Variants in ERC2 observed in about 807,000 individuals in gnomAD.
The protein encoded by ERC2 is ERC protein 2.
ERC2 carries 42 observed loss-of-function variants against 114.8 expected under a neutral mutation model. That is an observed-to-expected ratio of 0.37 (90% CI 0.29 to 0.47). The LOEUF (loss-of-function observed/expected upper bound fraction) is 0.47, where lower values mean the gene tolerates loss of function less well. ERC2 is among the 20% of genes least tolerant of loss of function. The probability of loss-of-function intolerance (pLI) is 0.99; values close to 1 mark genes in which losing one functional copy is unlikely to be tolerated. For synonymous variants in ERC2, 454 were observed against 425.5 expected (o/e 1.07, Z -0.82); for missense variants, 939 against 1,150.7 (o/e 0.82, Z 2.66).
intron 6 of ERC2, among the ~76,000 whole-genome samples, chr3:56,134,270 G>C (rs560170896): frequency 6.6e-6 from 1 of 152,234 alleles, no homozygotes; most frequent in East Asian, 1.9e-4. Flanking sequence ...TCAAGATTCG[G>C]TGTGGAATTA....
At chr3:56,239,150 T>C (rs1162260392) in intron 3 of ERC2, among the ~76,000 whole-genome samples, 1 of 152,184 alleles carries the variant, frequency 6.6e-6, no homozygotes, top group African/African-American at 2.4e-5. Context: ...CTGAAGATCC[T>C]TTCTAAAATA....
chr3:56,163,278 T>C (rs748977598), intron 4 of ERC2, among the ~76,000 whole-genome samples: 5 of 152,126 alleles, frequency 3.3e-5, no homozygotes, highest in African/African-American at 1.2e-4. Flanking sequence ...ACTCACCTTA[T>C]GGCCGAGCAT....
chr3:55,720,736 G>C (rs2064495741), intron 15 of ERC2, among the ~76,000 whole-genome samples: 1 of 152,172 alleles, frequency 6.6e-6, no homozygotes, highest in Non-Finnish European at 1.5e-5. Context: ...CAGTGAACAA[G>C]TCATGTAGAT....
chr3:55,766,273 GAAAA>G (rs35962584), intron 14 of ERC2, among the ~76,000 whole-genome samples: 1 of 95,136 alleles, frequency 1.1e-5, no homozygotes. Context: ...CTCTCCACAA[GAAAA>G]AAAAAAAAAA....
At chr3:55,610,073 A>C (rs1226245336) in intron 17 of ERC2, among the ~76,000 whole-genome samples, 92 of 151,516 alleles carry the variant, frequency 6.1e-4, no homozygotes, top group African/African-American at 2.2e-3. Context: ...ACAAAAAAAA[A>C]AAAAAAAAAA....
chr3:56,322,471 C>T (rs972639140), intron 2 of ERC2, among the ~76,000 whole-genome samples: 7 of 152,176 alleles, frequency 4.6e-5, no homozygotes, highest in South Asian at 2.1e-4. Context: ...TCCAAGTCTA[C>T]GCCTCAAGAG....
At chr3:56,138,078 G>C (rs1304009524) in intron 6 of ERC2, among the ~76,000 whole-genome samples, 1 of 7,344 alleles carries the variant, frequency 1.4e-4, no homozygotes, top group Non-Finnish European at 3.1e-4. Context: ...TTTTTTTTTT[G>C]AGACGAAGTC....
chr3:55,949,385 A>T (rs1021891912), intron 13 of ERC2, among the ~76,000 whole-genome samples: 1 of 151,928 alleles, frequency 6.6e-6, no homozygotes, highest in Admixed American at 6.6e-5. Context: ...GAAAAAAAAA[A>T]GTTTTGGGCC....
In ERC2 at chr3:56,173,304, G is replaced by T; in HGVS notation, c.1149+142C>A. The T allele has an allele frequency of 9.4e-6, 7 of 746,478 alleles. No individual in the cohort carries two copies. In the South Asian group the frequency reaches 9.4e-5, roughly 10 times the overall value. 46.2% of individuals were successfully genotyped at this position (746,478 alleles called of 1,614,324 possible). The stretch of plus-strand genomic sequence containing the variant: ...CAATACATTAAATGTGCCCAGGAAG[G>T]TAAAAAAAATCCAGAAGTAAAGCAT... On this transcript the variant is annotated intron_variant, in intron 4 of 17. Transcript: ENST00000288221.
At chr3:56,246,108 A>C (rs981472327) in intron 3 of ERC2, among the ~76,000 whole-genome samples, 4 of 151,970 alleles carry the variant, frequency 2.6e-5, no homozygotes, top group African/African-American at 7.2e-5. Flanking sequence ...AAAAAAAAAA[A>C]AAAAAAACTC....
intron 17 of ERC2, among the ~76,000 whole-genome samples, chr3:55,561,597 G>T (rs1364481585): frequency 2.0e-5 from 3 of 152,110 alleles, no homozygotes; most frequent in African/African-American, 7.2e-5. Context: ...AATTTTGATG[G>T]GGAATGAATG....
intron 10 of ERC2, among the ~76,000 whole-genome samples, chr3:55,998,168 T>A (rs1341722544): frequency 1.3e-5 from 2 of 151,880 alleles, no homozygotes; most frequent in Non-Finnish European, 2.9e-5. Flanking sequence ...ACCAAAAAAA[T>A]TATTTTCATA....
intron 7 of ERC2, among the ~76,000 whole-genome samples, chr3:56,067,531 A>T (rs2076538238): frequency 1.3e-5 from 2 of 151,540 alleles, no homozygotes; most frequent in African/African-American, 4.8e-5. Flanking sequence ...CTATTTGAAT[A>T]ATTTCTCTCT....
Position 56,435,165 on chromosome 3 carries a change from G to T in ERC2, c.-140-18C>A. On this transcript the variant is annotated intron_variant, in intron 1 of 17. Transcript: ENST00000288221. ...TCAGAGATCTACAAAGTGAAAAAAA[G>T]AATAATTAAAAACAAATTTCTTTAG... 8.2e-6 allele frequency: 5 copies of T among 611,516 alleles called. No homozygotes were observed. The highest frequency in any genetic ancestry group is 2.2e-5 in the South Asian group (1 of 45,694). 37.9% of individuals were successfully genotyped at this position (611,516 alleles called of 1,614,324 possible).
intron 17 of ERC2, among the ~76,000 whole-genome samples, chr3:55,592,105 T>C (rs2057919959): frequency 6.6e-6 from 1 of 152,202 alleles, no homozygotes; most frequent in Non-Finnish European, 1.5e-5. Context: ...GAAGGGTGAC[T>C]GGGCCAGACT....
intron 10 of ERC2, among the ~76,000 whole-genome samples, chr3:56,002,065 T>A (rs770612649): frequency 2.0e-5 from 3 of 152,168 alleles, no homozygotes; most frequent in African/African-American, 7.2e-5. Context: ...GAAAAAGAGG[T>A]TAACAAAGAT....
intron 3 of ERC2, among the ~76,000 whole-genome samples, chr3:56,207,137 T>C (rs963654342): frequency 6.6e-6 from 1 of 151,566 alleles, no homozygotes; most frequent in Non-Finnish European, 1.5e-5. Context: ...GCTGTGGGCA[T>C]CTTTATGATA....
At chr3:56,246,093 TAAAAAAA>T (rs34868223) in intron 3 of ERC2, among the ~76,000 whole-genome samples, 1 of 127,626 alleles carries the variant, frequency 7.8e-6, no homozygotes, top group Non-Finnish European at 1.7e-5. Context: ...TCAGATTCTT[TAAAAAAA>T]AAAAAAAAAA....
intron 2 of ERC2, among the ~76,000 whole-genome samples, chr3:56,311,681 T>C (rs1348328440): frequency 6.6e-6 from 1 of 152,156 alleles, no homozygotes; most frequent in Non-Finnish European, 1.5e-5. Context: ...TTGTAAACTA[T>C]AGTCACCCTA....
Sources: gnomAD v4.1 joint callset for allele counts (sites outside exome capture counted in the v4.1 genomes callset) on GRCh38, gnomAD v4.1.1 for gene constraint, MANE v1.5 for transcripts, NCBI Gene and HGNC (gene_info 2026-07-23, HGNC 2026-07-21) for gene names.